The following CDYL2 variants were observed in gnomAD, a reference collection of about 807,000 sequenced individuals.
CDYL2 encodes the protein chromodomain Y-like protein 2.
A neutral mutation model predicts 49.4 loss-of-function variants in CDYL2; 23 were observed. The ratio of observed to expected loss-of-function variants is 0.47; its 90% CI spans 0.34 to 0.66. The LOEUF (loss-of-function observed/expected upper bound fraction) is 0.66, where lower values mean the gene tolerates loss of function less well. CDYL2 is among the 30% of genes least tolerant of loss of function. The pLI, the probability that CDYL2 is intolerant of heterozygous loss-of-function variation, is 0.01. For missense variants in CDYL2, 678 were observed against 656.4 expected (o/e 1.03, Z -0.36); for synonymous variants, 360 against 268.8 (o/e 1.34, Z -3.32).
At position 80,687,160 on chromosome 16, in the gene CDYL2, A is replaced by G. The variant is rs115491587; in HGVS notation, c.25-2031T>C. ...GAGGAAAGAGAGTAAGCAATCTGAC[A>G]TTGCCTGAAACAGCAGCATTTGTGA... is the stretch of plus-strand genomic sequence containing the variant. On this transcript the variant is annotated intron_variant, in intron 1 of 6. Transcript: ENST00000570137. Among the ~76,000 whole-genome samples the G allele has an allele frequency of 4.5e-3, 681 of 152,350 alleles. 6 individuals carry two copies. The highest frequency in any genetic ancestry group is 0.016 in the African/African-American group (662 of 41,580).
intron 2 of CDYL2, among the ~76,000 whole-genome samples, chr16:80,653,808 G>C (rs1161936144): frequency 1.3e-5 from 2 of 152,222 alleles, no homozygotes; most frequent in Admixed American, 6.5e-5. Context: ...AGGCAAGCTT[G>C]AGAACTTCAA....
chr16:80,673,491 G>C (rs911205456), intron 2 of CDYL2, among the ~76,000 whole-genome samples: 4 of 152,012 alleles, frequency 2.6e-5, no homozygotes, highest in African/African-American at 7.3e-5. Flanking sequence ...ATTTCTTCTA[G>C]CATTGAAATA....
At chr16:80,616,592 C>A (rs1424692838) in intron 4 of CDYL2, among the ~76,000 whole-genome samples, 1 of 152,150 alleles carries the variant, frequency 6.6e-6, no homozygotes, top group Non-Finnish European at 1.5e-5. Context: ...GCCAAGTCAG[C>A]CAGTACGGGA....
intron 1 of CDYL2, among the ~76,000 whole-genome samples, chr16:80,780,686 G>A (rs564271096): frequency 2.0e-5 from 3 of 152,118 alleles, no homozygotes; most frequent in South Asian, 4.2e-4. Context: ...TTACAGGTGT[G>A]AGCCACCGCG....
chr16:80,787,070 TA>T (rs1164367633), intron 1 of CDYL2, among the ~76,000 whole-genome samples: 6 of 147,708 alleles, frequency 4.1e-5, no homozygotes, highest in Admixed American at 6.8e-5. Flanking sequence ...AAGTACAATT[TA>T]AAAAAAAAAG....
chr16:80,802,106 C>G (rs939239847), intron 1 of CDYL2, among the ~76,000 whole-genome samples: 2 of 152,154 alleles, frequency 1.3e-5, no homozygotes, highest in Non-Finnish European at 2.9e-5. Flanking sequence ...GAAAACTCTC[C>G]TCTTAACAGA....
intron 3 of CDYL2, among the ~76,000 whole-genome samples, chr16:80,623,997 C>T (rs145485306): frequency 4.9e-4 from 75 of 152,312 alleles, no homozygotes; most frequent in African/African-American, 1.7e-3. Flanking sequence ...ATGCTACGTT[C>T]TGAGGCCCAA....
At chr16:80,748,902 CA>C (rs372307927) in intron 1 of CDYL2, among the ~76,000 whole-genome samples, 306 of 152,016 alleles carry the variant, frequency 2.0e-3, no homozygotes, top group African/African-American at 7.1e-3. Flanking sequence ...ATCAATCCAT[CA>C]AAAAAAGAAA....
chr16:80,727,249 C>T (rs986852656), intron 1 of CDYL2, among the ~76,000 whole-genome samples: 1 of 152,206 alleles, frequency 6.6e-6, no homozygotes, highest in African/African-American at 2.4e-5. Context: ...CGCACCGTGC[C>T]CGAGCCAAAG....
At chr16:80,677,554 G>A (rs1020300695) in intron 2 of CDYL2, among the ~76,000 whole-genome samples, 5 of 151,722 alleles carry the variant, frequency 3.3e-5, no homozygotes, top group African/African-American at 7.3e-5. Flanking sequence ...TGCCCAACAC[G>A]GTGAAACCCC....
At chr16:80,737,077 T>G (rs1188735524) in intron 1 of CDYL2, among the ~76,000 whole-genome samples, 1 of 152,126 alleles carries the variant, frequency 6.6e-6, no homozygotes, top group East Asian at 1.9e-4. Context: ...CATGCCCCCT[T>G]TGCAGGCAGA....
rs780326279 is a variant in CDYL2 at position 80,612,015 on chromosome 16, G to A, written c.1218+611C>T. ...CCACATGGGGTGGAGACTGCTTTGT[G>A]TCCACTGAATCCTTTCCCTCTTCTT... On this transcript the variant is annotated intron_variant, in intron 5 of 6. Transcript: ENST00000570137. The surrounding 1 kb of genome is among the most constrained non-coding windows in gnomAD (Gnocchi z 5.0). Among the ~76,000 whole-genome samples, 2 of 152,236 alleles carry A rather than the reference G, an allele frequency of 1.3e-5. No homozygotes were observed. The highest frequency in any genetic ancestry group is 2.9e-5 in the Non-Finnish European group (2 of 68,048).
intron 3 of CDYL2, 71 bp from the exon 4 acceptor site, chr16:80,621,006 G>A (rs1907062046): frequency 6.9e-6 from 10 of 1,444,366 alleles, no homozygotes; most frequent in Non-Finnish European, 8.3e-6. Flanking sequence ...CAGACTGCAA[G>A]ACAGCCAGAG....
chr16:80,794,492 T>A (rs532646520), intron 1 of CDYL2, among the ~76,000 whole-genome samples: 1 of 151,994 alleles, frequency 6.6e-6, no homozygotes, highest in Non-Finnish European at 1.5e-5. Context: ...AAAAAGGAAC[T>A]GACATGGCTG....
At chr16:80,804,129 C>A (rs752449527) in intron 1 of CDYL2, 21 bp downstream of exon 1, 3 of 1,171,984 alleles carry the variant, frequency 2.6e-6, no homozygotes, top group Non-Finnish European at 3.3e-6. Context: ...GGGGCCGGCC[C>A]GCGCCCCCGC....
intron 2 of CDYL2, among the ~76,000 whole-genome samples, chr16:80,657,590 A>T (rs1421016524): frequency 6.6e-6 from 1 of 152,122 alleles, no homozygotes; most frequent in Non-Finnish European, 1.5e-5. Context: ...TTAAAACTAC[A>T]CTGAAATACC....
intron 2 of CDYL2, among the ~76,000 whole-genome samples, chr16:80,670,413 ATG>A (rs757384671): frequency 6.6e-6 from 1 of 152,036 alleles, no homozygotes; most frequent in Non-Finnish European, 1.5e-5. Context: ...CACATGAAGG[ATG>A]TGTTTGCTTC....
chr16:80,724,445 T>C (rs957970521), intron 1 of CDYL2, among the ~76,000 whole-genome samples: 6 of 151,990 alleles, frequency 3.9e-5, no homozygotes, highest in Non-Finnish European at 7.4e-5. Context: ...AAAGAAAAAA[T>C]CTGTAAAACT....
intron 1 of CDYL2, among the ~76,000 whole-genome samples, chr16:80,768,706 T>G (rs2142391885): frequency 6.6e-6 from 1 of 152,304 alleles, no homozygotes; most frequent in Admixed American, 6.5e-5. Context: ...GAGAAGGAAG[T>G]AATCTGGCTT....
Sources: allele counts gnomAD v4.1 joint callset (sites outside exome capture counted in the v4.1 genomes callset), GRCh38; gene constraint gnomAD v4.1.1; non-coding constraint Gnocchi (gnomAD v3.1); transcripts MANE v1.5; gene names NCBI Gene and HGNC (gene_info 2026-07-23, HGNC 2026-07-21).